ANKS3: variants seen among roughly 807,000 people sequenced by gnomAD.
ANKS3 encodes the protein ankyrin repeat and sterile alpha motif domain containing 3, also known as ankyrin repeat and SAM domain-containing protein 3.
Under a neutral mutation model 80.7 loss-of-function variants are expected in ANKS3, and 62 were observed. The observed-to-expected ratio is 0.77, with a 90% CI of 0.63 to 0.95. The LOEUF (loss-of-function observed/expected upper bound fraction) is 0.95, where lower values mean the gene tolerates loss of function less well. Among genes scored for constraint, ANKS3 ranks in the 40% least tolerant of loss-of-function variants. The pLI, the probability that ANKS3 is intolerant of heterozygous loss-of-function variation, is 0.00. For missense variants in ANKS3, 1,150 were observed against 883.6 expected (o/e 1.30, Z -3.82); for synonymous variants, 489 against 355.3 (o/e 1.38, Z -4.23).
At chr16:4,732,397 G>C (rs1021051299) in intron 1 of ANKS3, among the ~76,000 whole-genome samples, 1 of 152,164 alleles carries the variant, frequency 6.6e-6, no homozygotes, top group African/African-American at 2.4e-5. Flanking sequence ...ATTTACTGGA[G>C]ACTTGCATAT....
intron 15 of ANKS3, among the ~76,000 whole-genome samples, chr16:4,697,715 A>G (rs569637475): frequency 1.3e-5 from 2 of 152,320 alleles, no homozygotes; most frequent in East Asian, 3.9e-4. Flanking sequence ...GTCTCAGCAC[A>G]GCACAGCCAG....
chr16:4,696,832 G>A lies in ANKS3; in HGVS notation c.*76C>T, dbSNP rs762317694. 3 of 638,088 alleles carry A rather than the reference G, an allele frequency of 4.7e-6. No individual in the cohort carries two copies. Among genetic ancestry groups the A allele is most frequent in the Middle Eastern group, 4.2e-4 (1 of 2,368 alleles). 39.5% of individuals were successfully genotyped at this position (638,088 alleles called of 1,614,324 possible). On this transcript the variant is annotated 3_prime_UTR_variant, in exon 18 of 18. Transcript: ENST00000304283. ...CCTGGGCTGCACATGGCAGCTACCT[G>A]CTCACTGTCCTCCTCACTCCCTGGC...
At chr16:4,701,820 T>C (rs909662634) in intron 9 of ANKS3, 1 of 504,856 alleles carries the variant, frequency 2.0e-6, no homozygotes, top group African/African-American at 2.0e-5. Context: ...GGTGCAGTTA[T>C]AACAGACATT....
intron 6 of ANKS3, among the ~76,000 whole-genome samples, chr16:4,722,992 T>G (rs859297): frequency 6.6e-6 from 1 of 151,470 alleles, no homozygotes; most frequent in Non-Finnish European, 1.5e-5. Flanking sequence ...AATGAGACGC[T>G]ACAATTCACC....
At chr16:4,732,623 G>A (rs2081687070) in intron 1 of ANKS3, among the ~76,000 whole-genome samples, 1 of 136,898 alleles carries the variant, frequency 7.3e-6, no homozygotes, top group Non-Finnish European at 1.5e-5. Context: ...CGATTGCAGT[G>A]AGCCGAGCTC....
At position 4,727,006 on chromosome 16, in the gene ANKS3, G is replaced by A. The variant is rs373686069; in HGVS notation, c.342C>T (p.Asn114=). ...GGAGAAGAAAGTAGGCGATGCTCTCGTTGCCACAGCTGGAGGCCAGCATCA... is the reference window on the plus strand; with the variant it reads ...GGAGAAGAAAGTAGGCGATGCTCTCATTGCCACAGCTGGAGGCCAGCATCA... ...TPLMLASSCG[N]ESIAYFLLQQ... The change falls in exon 4 of 18, where the codon AAC becomes AAT. Residue 114 remains asparagine (N), a synonymous_variant. Coordinates refer to ENST00000304283, the MANE Select transcript of ANKS3 (RefSeq NM_133450.4). 16 of 1,614,042 alleles carry A rather than the reference G, an allele frequency of 9.9e-6. 1 individual carries two copies. The highest frequency in any genetic ancestry group is 3.3e-5 in the Admixed American group (2 of 60,008).
chr16:4,698,302 G>A, intron 14 of ANKS3, 125 bp downstream of exon 14: 3 of 1,322,940 alleles, frequency 2.3e-6, no homozygotes, highest in South Asian at 1.5e-5. Flanking sequence ...AATGGGGGTG[G>A]GGTGGCTCCA....
intron 8 of ANKS3, 108 bp downstream of exon 8, chr16:4,704,987 G>A (rs886696607): frequency 1.4e-6 from 2 of 1,441,178 alleles, no homozygotes; most frequent in South Asian, 2.7e-5. Flanking sequence ...GCTGCCACCT[G>A]AGGTCCAGCG....
chr16:4,707,546 T>G (rs1037728777), intron 7 of ANKS3, among the ~76,000 whole-genome samples: 10 of 152,106 alleles, frequency 6.6e-5, no homozygotes, highest in African/African-American at 2.4e-4. Flanking sequence ...CCTCCCAAAG[T>G]GCTCGGATTA....
At chr16:4,727,313 G>A (rs1057394225) in intron 3 of ANKS3, 136 bp from the exon 4 acceptor site, 2 of 869,450 alleles carry the variant, frequency 2.3e-6, no homozygotes, top group Admixed American at 4.5e-5. Context: ...ACGTTGTGGG[G>A]ATTGGAGGCA....
In ANKS3 at chr16:4,720,102, C is replaced by T. The variant is rs572628825; in HGVS notation, c.573+4648G>A. On this transcript the variant is annotated intron_variant, in intron 6 of 17. Transcript: ENST00000304283. ...GCTTGAGCCTGGGAGTCAGAAGTTG[C>T]ACTGAGCTGAGATCACACCACTGTA... 4.4e-5 allele frequency among the ~76,000 whole-genome samples: 6 copies of T among 135,682 alleles called. No homozygotes were observed. In the South Asian group the frequency reaches 1.2e-3, roughly 27 times the overall value. 89.0% of individuals were successfully genotyped at this position (135,682 alleles called of 152,430 possible).
intron 6 of ANKS3, chr16:4,717,505 T>C (rs2080862772): frequency 6.6e-6 from 1 of 151,464 alleles, no homozygotes; most frequent in Non-Finnish European, 1.5e-5. Flanking sequence ...GAGGCAGAGA[T>C]TGCAGTAAGC....
rs180769612 is a variant in ANKS3 at position 4,707,718 on chromosome 16, A to G, written c.710-2465T>C. The stretch of plus-strand genomic sequence containing the variant: ...AGGTAATTTTGTAGAAAATGAACTA[A>G]GAGTACATAATCCTAAATAAGATAG... On this transcript the variant is annotated intron_variant, in intron 7 of 17. Transcript: ENST00000304283. Among the ~76,000 whole-genome samples the G allele has an allele frequency of 1.6e-3, 244 of 152,368 alleles. 3 individuals carry two copies. Among genetic ancestry groups the G allele is most frequent in the African/African-American group, 5.6e-3 (232 of 41,586 alleles).
chr16:4,721,172 G>A (rs1359122984), intron 6 of ANKS3, among the ~76,000 whole-genome samples: 1 of 150,804 alleles, frequency 6.6e-6, no homozygotes, highest in African/African-American at 2.4e-5. Context: ...GGGCATGGTG[G>A]CGGGCGCCTG....
At chr16:4,698,717 A>T in intron 13 of ANKS3, 83 bp downstream of exon 13, 1 of 1,547,458 alleles carries the variant, frequency 6.5e-7, no homozygotes, top group Non-Finnish European at 8.7e-7. Flanking sequence ...TGACCCCTCC[A>T]CACAGCACCC....
intron 10 of ANKS3, 63 bp downstream of exon 10, chr16:4,701,369 TGG>T: frequency 6.9e-7 from 1 of 1,449,966 alleles, no homozygotes. Flanking sequence ...TTAAAGTAAC[TGG>T]GGGATGTCAG....
At chr16:4,729,887 C>A in intron 3 of ANKS3, 93 bp downstream of exon 3, 1 of 1,240,198 alleles carries the variant, frequency 8.1e-7, no homozygotes, top group Non-Finnish European at 1.1e-6. Flanking sequence ...ACGCATTAAA[C>A]ATCCACAACT....
Position 4,697,364 on chromosome 16 carries a change from C to A in ANKS3, c.1863G>T (p.Ser621=), listed in dbSNP as rs763329361. 1 of 1,610,004 alleles carries A rather than the reference C, an allele frequency of 6.2e-7. No individual in the cohort carries two copies. Among genetic ancestry groups the A allele is most frequent in the Non-Finnish European group, 8.5e-7 (1 of 1,177,892 alleles). The change falls in exon 16 of 18, where the codon TCG becomes TCT. Residue 621 remains serine (S), a synonymous_variant. Transcript: ENST00000304283. ...CACGGACACGGTCCTCCAGGGCTCCCGAGAGCTCGGGGAGGCTCATGGCCT... is the reference window on the plus strand; with the variant it reads ...CACGGACACGGTCCTCCAGGGCTCCAGAGAGCTCGGGGAGGCTCATGGCCT... ...SLQAMSLPEL[S]GALEDRVREM... is the part of the protein sequence containing the mutation.
intron 1 of ANKS3, among the ~76,000 whole-genome samples, chr16:4,733,486 G>C (rs886696564): frequency 6.6e-6 from 1 of 151,950 alleles, no homozygotes; most frequent in Non-Finnish European, 1.5e-5. Flanking sequence ...GAGACGAAGT[G>C]TCCCCATGTT....
Sources: gnomAD v4.1 joint callset for allele counts (sites outside exome capture counted in the v4.1 genomes callset) on GRCh38, gnomAD v4.1.1 for gene constraint, MANE v1.5 for transcripts, NCBI Gene and HGNC (gene_info 2026-07-23, HGNC 2026-07-21) for gene names.